Variants in ARHGAP35 observed in about 807,000 individuals in gnomAD.
The protein encoded by ARHGAP35 is rho GTPase-activating protein 35.
A neutral mutation model predicts 111.1 loss-of-function variants in ARHGAP35; 15 were observed. That is an observed-to-expected ratio of 0.13 (90% CI 0.09 to 0.21). The LOEUF is 0.21. Among genes scored for constraint, ARHGAP35 ranks in the 10% least tolerant of loss-of-function variants. ARHGAP35 has a pLI of 1.00. For synonymous variants in ARHGAP35, 643 were observed against 710.3 expected (o/e 0.91, Z 1.51); for missense variants, 1,262 against 1,873.0 (o/e 0.67, Z 6.02).
intron 1 of ARHGAP35, among the ~76,000 whole-genome samples, chr19:46,877,371 T>C (rs760846888): frequency 3.3e-5 from 5 of 151,832 alleles, no homozygotes; most frequent in Non-Finnish European, 7.4e-5. Context: ...GAGACCAGCC[T>C]GGCCAAAGTG....
At chr19:46,881,586 T>A (rs2055962756) in intron 1 of ARHGAP35, among the ~76,000 whole-genome samples, 1 of 152,216 alleles carries the variant, frequency 6.6e-6, no homozygotes, top group Non-Finnish European at 1.5e-5. Context: ...TAAACTATGC[T>A]GTAAACAGAT....
chr19:46,911,100 GA>G (rs1481592869), intron 1 of ARHGAP35, among the ~76,000 whole-genome samples: 1 of 152,152 alleles, frequency 6.6e-6, no homozygotes, highest in Non-Finnish European at 1.5e-5. Context: ...CCCATTCTTG[GA>G]AACCCTTTTC....
chr19:46,999,242 G>A lies in ARHGAP35; in HGVS notation c.4037-62G>A, dbSNP rs560544655. The stretch of plus-strand genomic sequence containing the variant: ...TCAGAGAAGGCCCATCACAGAGCAC[G>A]CCCTGGGGTGGCCACCAGCCTCGGC... On this transcript the variant is annotated intron_variant, in intron 5 of 6. Coordinates refer to ENST00000672722, the MANE Select transcript of ARHGAP35 (RefSeq NM_004491.5). This position sits in a 1 kb window ranked among gnomAD's most constrained non-coding sequence, Gnocchi z 5.4. The A allele has an allele frequency of 3.0e-5, 35 of 1,164,836 alleles. No individual in the cohort carries two copies. The highest frequency in any genetic ancestry group is 4.1e-5 in the Non-Finnish European group (33 of 796,682). The allele number at this position is 1,164,836 out of a possible 1,614,324, so 72.2% of individuals were successfully genotyped here. A position where few individuals can be genotyped will look rare whatever the true frequency, so the allele number is the denominator to read the frequency against.
At chr19:46,866,874 C>G (rs1436140799) in intron 1 of ARHGAP35, among the ~76,000 whole-genome samples, 1 of 152,146 alleles carries the variant, frequency 6.6e-6, no homozygotes, top group Non-Finnish European at 1.5e-5. Flanking sequence ...AACCATATAC[C>G]TCTTTTAAAA....
chr19:46,922,005 C>T lies in ARHGAP35; in HGVS notation c.3330C>T (p.Asp1110=). ...EEENIYSVPH[D]STQGKIITIR... is the part of the protein sequence containing the mutation. ...AAAACATATACTCCGTGCCCCATGA[C>T]AGCACCCAAGGCAAAATCATCACCA... Residue 1110 remains aspartate (D), a synonymous_variant, in exon 2 of 7, where the codon GAC becomes GAT. Coordinates refer to ENST00000672722, the MANE Select transcript of ARHGAP35 (RefSeq NM_004491.5). This position sits in a 1 kb window ranked among gnomAD's most constrained non-coding sequence, Gnocchi z 4.0. The T allele has an allele frequency of 6.2e-7, 1 of 1,614,006 alleles. No homozygotes were observed. The highest frequency in any genetic ancestry group is 8.5e-7 in the Non-Finnish European group (1 of 1,179,900).
rs1490628750 is a variant in ARHGAP35, at chr19:46,922,440, C to T, written c.3681+84C>T. On this transcript the variant is annotated intron_variant, in intron 2 of 6. Coordinates refer to ENST00000672722, the MANE Select transcript of ARHGAP35 (RefSeq NM_004491.5). This position sits in a 1 kb window ranked among gnomAD's most constrained non-coding sequence, Gnocchi z 4.0. ...ATTGATGATGATTTTTCAAGGACAA[C>T]CTATTCTGGTAAAAAAAAAACTGCC... The T allele has an allele frequency of 2.3e-6, 3 of 1,325,262 alleles. No individual in the cohort carries two copies. Among genetic ancestry groups the T allele is most frequent in the East Asian group, 2.6e-5 (1 of 39,174 alleles). The allele number at this position is 1,325,262 out of a possible 1,614,324, so 82.1% of individuals were successfully genotyped here. A position where few individuals can be genotyped will look rare whatever the true frequency, so the allele number is the denominator to read the frequency against.
At chr19:46,924,334 C>T (rs2056226317) in intron 2 of ARHGAP35, among the ~76,000 whole-genome samples, 1 of 152,194 alleles carries the variant, frequency 6.6e-6, no homozygotes, top group Admixed American at 6.5e-5. Context: ...CATCACCCTC[C>T]CACAGAAATT....
chr19:46,869,565 A>G (rs956642006), intron 1 of ARHGAP35, among the ~76,000 whole-genome samples: 2 of 151,214 alleles, frequency 1.3e-5, no homozygotes, highest in Non-Finnish European at 2.9e-5. Context: ...CCCCATTTTC[A>G]TTTAAAAGAA....
chr19:46,964,713 C>G (rs2122278943), intron 3 of ARHGAP35, among the ~76,000 whole-genome samples: 1 of 152,258 alleles, frequency 6.6e-6, no homozygotes, highest in African/African-American at 2.4e-5. Context: ...AGCAGAAGGG[C>G]TGGTGTGGCT....
At chr19:46,996,669 C>G (rs927901815) in intron 5 of ARHGAP35, among the ~76,000 whole-genome samples, 2 of 152,166 alleles carry the variant, frequency 1.3e-5, no homozygotes, top group Non-Finnish European at 2.9e-5. Context: ...ACGGAGAGAC[C>G]TGTGTCCTCC....
Position 46,926,557 on chromosome 19 carries a change from TTGAC to T in ARHGAP35, c.3681+4204_3681+4207del, listed in dbSNP as rs2056239327. ...GCTGAAATGGCTGCGTTTGGTGTGTTTGACTGTGGATTTAAAAAGAAGACATTAT... is the reference window on the plus strand; with the variant it reads ...GCTGAAATGGCTGCGTTTGGTGTGTTTGTGGATTTAAAAAGAAGACATTAT... On this transcript the variant is annotated intron_variant, in intron 2 of 6. Coordinates refer to ENST00000672722, the MANE Select transcript of ARHGAP35 (RefSeq NM_004491.5). This position sits in a 1 kb window ranked among gnomAD's most constrained non-coding sequence, Gnocchi z 4.1. Among the ~76,000 whole-genome samples, 1 of 152,106 alleles carries T rather than the reference TTGAC, an allele frequency of 6.6e-6. No individual in the cohort carries two copies. The highest frequency in any genetic ancestry group is 1.5e-5 in the Non-Finnish European group (1 of 68,010).
Position 46,908,511 on chromosome 19 carries a change from T to C in ARHGAP35, c.-188-9977T>C, listed in dbSNP as rs2056122300. ...TTGTTGTTTTTCTTAATATAGGTAATCCAGAAATTATGCTAAATCAGTGAG... is the reference window on the plus strand; with the variant it reads ...TTGTTGTTTTTCTTAATATAGGTAACCCAGAAATTATGCTAAATCAGTGAG... On this transcript the variant is annotated intron_variant, in intron 1 of 6. Coordinates refer to ENST00000672722, the MANE Select transcript of ARHGAP35 (RefSeq NM_004491.5). The surrounding 1 kb of genome is among the most constrained non-coding windows in gnomAD (Gnocchi z 4.2). 6.6e-6 allele frequency among the ~76,000 whole-genome samples: 1 copy of C among 152,184 alleles called. No homozygotes were observed. Among genetic ancestry groups the C allele is most frequent in the Non-Finnish European group, 1.5e-5 (1 of 68,026 alleles).
chr19:46,944,989 T>C (rs1171407924), intron 3 of ARHGAP35, among the ~76,000 whole-genome samples: 1 of 152,100 alleles, frequency 6.6e-6, no homozygotes, highest in Non-Finnish European at 1.5e-5. Flanking sequence ...TAGAACAGCT[T>C]TCAGATTGAT....
rs372762849 is a variant in ARHGAP35, at chr19:46,953,676, G to A, written c.3826+16268G>A. Among the ~76,000 whole-genome samples the A allele has an allele frequency of 1.7e-3, 256 of 151,980 alleles. 1 individual carries two copies. Among genetic ancestry groups the A allele is most frequent in the African/African-American group, 5.9e-3 (244 of 41,506 alleles). On this transcript the variant is annotated intron_variant, in intron 3 of 6. Coordinates refer to ENST00000672722, the MANE Select transcript of ARHGAP35 (RefSeq NM_004491.5). ...TGTATACCCAGTCCCCCATATTGCC[G>A]GCATGGGTTCAACCAAACCCCTCCT... is the stretch of plus-strand genomic sequence containing the variant.
rs145711511 is a variant in ARHGAP35 at position 46,941,232 on chromosome 19, C to G, written c.3826+3824C>G. Among the ~76,000 whole-genome samples the G allele has an allele frequency of 2.8e-4, 43 of 152,208 alleles. No individual in the cohort carries two copies. In the East Asian group the frequency reaches 6.8e-3, roughly 24 times the overall value. ...CCCTTGTGTGGTTTAAAATTTGTCC[C>G]CCATTCCTTTTTGCCTGTGGAACTT... On this transcript the variant is annotated intron_variant, in intron 3 of 6. Transcript: ENST00000672722.
chr19:46,902,203 C>T (rs149407772), intron 1 of ARHGAP35, among the ~76,000 whole-genome samples: 1 of 152,238 alleles, frequency 6.6e-6, no homozygotes, highest in Admixed American at 6.5e-5. Context: ...AATGTTTCTG[C>T]CACCTGACAT....
intron 1 of ARHGAP35, among the ~76,000 whole-genome samples, chr19:46,872,967 A>G (rs2122122003): frequency 6.6e-6 from 1 of 152,274 alleles, no homozygotes; most frequent in Non-Finnish European, 1.5e-5. Context: ...AAAAAATGTT[A>G]TCTCATTTTC....
At position 46,989,686 on chromosome 19, in the gene ARHGAP35, G is replaced by A. The variant is rs1293483586; in HGVS notation, c.4036+11G>A. On this transcript the variant is annotated intron_variant, in intron 5 of 6. Coordinates refer to ENST00000672722, the MANE Select transcript of ARHGAP35 (RefSeq NM_004491.5). This position sits in a 1 kb window ranked among gnomAD's most constrained non-coding sequence, Gnocchi z 5.3. ...TGGTGGAAGCACACAGTGAGTACCG[G>A]CAGCCCAGTGTTGGGCGGATTGAGG... 1 of 1,613,490 alleles carries A rather than the reference G, an allele frequency of 6.2e-7. No homozygotes were observed. Among genetic ancestry groups the A allele is most frequent in the East Asian group, 2.2e-5 (1 of 44,890 alleles).
chr19:46,978,910 GGT>G (rs1344103998), intron 3 of ARHGAP35, among the ~76,000 whole-genome samples: 1 of 129,338 alleles, frequency 7.7e-6, no homozygotes, highest in South Asian at 2.7e-4. Flanking sequence ...TGTGTGGTGG[GGT>G]GTGTGTGTGG....
Sources: gnomAD v4.1 joint callset for allele counts (sites outside exome capture counted in the v4.1 genomes callset) on GRCh38, gnomAD v4.1.1 for gene constraint, Gnocchi (gnomAD v3.1) non-coding constraint, MANE v1.5 for transcripts, NCBI Gene and HGNC (gene_info 2026-07-23, HGNC 2026-07-21) for gene names.